The following GUCY2C variants were observed in gnomAD, a reference collection of about 807,000 sequenced individuals.
GUCY2C encodes guanylyl cyclase C.
In GUCY2C, 118 loss-of-function variants were observed where a neutral mutation model predicts 131.1. The observed-to-expected ratio is 0.90, with a 90% confidence interval of 0.78 to 1.05. GUCY2C has a LOEUF of 1.05. Ranked by LOEUF, GUCY2C falls within the 50% of genes least tolerant of loss-of-function variation. The pLI is 0.00. For missense variants in GUCY2C, 1,161 were observed against 1,304.4 expected, an observed-to-expected ratio of 0.89 and a Z score of 1.69; for synonymous variants, 452 against 457.8, an observed-to-expected ratio of 0.99 and a Z score of 0.16.
At chr12:14,640,295 T>G (rs958245069) in intron 18 of GUCY2C, among the ~76,000 whole-genome samples, 4 of 151,498 alleles carry the variant, frequency 2.6e-5, no homozygotes, top group Non-Finnish European at 4.4e-5. Flanking sequence ...CGTCTCTACA[T>G]AAAGTACAAA....
intron 4 of GUCY2C, among the ~76,000 whole-genome samples, chr12:14,682,106 C>G (rs1277018328): frequency 6.6e-6 from 1 of 152,070 alleles, no homozygotes; most frequent in Non-Finnish European, 1.5e-5. Context: ...AGCAACCCAG[C>G]CAGAAGATTT....
At chr12:14,681,654 C>T (rs1948351090) in intron 4 of GUCY2C, among the ~76,000 whole-genome samples, 177 bp from the exon 5 acceptor site, 2 of 152,148 alleles carry the variant, frequency 1.3e-5, no homozygotes, top group South Asian at 2.1e-4. Flanking sequence ...GATCTAAATT[C>T]GTGAAAGGAT....
At chr12:14,664,090 T>C (rs988390247) in intron 10 of GUCY2C, among the ~76,000 whole-genome samples, 2 of 152,218 alleles carry the variant, frequency 1.3e-5, no homozygotes, top group Non-Finnish European at 2.9e-5. Flanking sequence ...TGACTTTGCC[T>C]CTATTACCTT....
rs773872668 is a variant in GUCY2C, at chr12:14,613,153, C to G, written c.3186G>C (p.Gln1062His). Residue 1062 changes from glutamine to histidine, a missense_variant, in exon 27 of 27, where the codon CAG becomes CAC. Gln to His is a conservative substitution (Grantham distance 24). Coordinates refer to ENST00000261170, the MANE Select transcript of GUCY2C (RefSeq NM_004963.4). This position sits in a 1 kb window ranked among gnomAD's most constrained non-coding sequence, Gnocchi z 4.9. ...SYKKGTLEYLQLNTTDKESTY... is the reference protein window; with the variant it reads ...SYKKGTLEYLHLNTTDKESTY... ...TGCTCTCCTTGTCTGTGGTATTCAG[C>G]TGCAAGTATTCCAGAGTGCCTTTTT... is the stretch of plus-strand genomic sequence containing the variant. 6.2e-7 allele frequency: 1 copy of G among 1,613,556 alleles called. No homozygotes were observed. The highest frequency in any genetic ancestry group is 1.7e-5 in the Admixed American group (1 of 59,956).
In GUCY2C at chr12:14,616,649, C is replaced by A. The variant is rs533711366; in HGVS notation, c.2954G>T (p.Gly985Val). 1.9e-6 allele frequency: 3 copies of A among 1,583,372 alleles called. No homozygotes were observed. The highest frequency in any genetic ancestry group is 2.6e-6 in the Non-Finnish European group (3 of 1,152,164). The change falls in exon 25 of 27, where the codon GGA becomes GTA. Residue 985 changes from glycine to valine, a missense_variant. Gly to Val is a moderately radical substitution (Grantham distance 109). Transcript: ENST00000261170. ...ACTCCTTACCTTTAAGTATGTTTCT[C>A]CTCTCACTTCATAAAGGAACTGGCA... ...TECQFLYEVRGETYLKGRGNE... is the reference protein window; with the variant it reads ...TECQFLYEVRVETYLKGRGNE...
intron 11 of GUCY2C, among the ~76,000 whole-genome samples, chr12:14,657,612 A>C (rs1438818821): frequency 1.3e-5 from 2 of 152,230 alleles, no homozygotes; most frequent in East Asian, 3.9e-4. Flanking sequence ...CTGTCACATC[A>C]GTGGTGGCGT....
At position 14,613,293 on chromosome 12, in the gene GUCY2C, T is replaced by C. The variant is rs1592065482; in HGVS notation, c.3048-2A>G. On this transcript the variant is annotated splice_acceptor_variant, in intron 26 of 26. Coordinates refer to ENST00000261170, the MANE Select transcript of GUCY2C (RefSeq NM_004963.4). LOFTEE classifies it high-confidence loss of function. The surrounding 1 kb of genome is among the most constrained non-coding windows in gnomAD (Gnocchi z 4.9). The stretch of plus-strand genomic sequence containing the variant: ...GCTTGCAAACGCTGTTGATTCTCCC[T>C]GGAAACAGAGTGGGAAGAGAAAATA... 1 of 1,609,494 alleles carries C rather than the reference T, an allele frequency of 6.2e-7. No homozygotes were observed. The highest frequency in any genetic ancestry group is 1.3e-5 in the African/African-American group (1 of 74,856).
intron 10 of GUCY2C, among the ~76,000 whole-genome samples, chr12:14,668,621 T>C (rs1260103599): frequency 7.7e-6 from 1 of 129,080 alleles, no homozygotes; most frequent in Non-Finnish European, 1.6e-5. Flanking sequence ...ATTTTATTGA[T>C]GGTATTTCTA....
chr12:14,648,055 G>A (rs1292920453), intron 15 of GUCY2C, among the ~76,000 whole-genome samples: 1 of 151,986 alleles, frequency 6.6e-6, no homozygotes, highest in East Asian at 1.9e-4. Context: ...CCACCTCCCG[G>A]GTTCAAGCAA....
At position 14,616,718 on chromosome 12, in the gene GUCY2C, A is replaced by T; in HGVS notation, c.2885T>A (p.Ile962Asn). 1 of 1,598,292 alleles carries T rather than the reference A, an allele frequency of 6.3e-7. No homozygotes were observed. Among genetic ancestry groups the T allele is most frequent in the Non-Finnish European group, 8.6e-7 (1 of 1,165,704 alleles). Residue 962 changes from isoleucine to asparagine, a missense_variant, in exon 25 of 27, where the codon ATT becomes AAT. Transcript: ENST00000261170. ...GGCTATGGTGGAGCCACTCACGTGA[A>T]TTCTCAAAGCTGGAAATGCAAATTG... is the stretch of plus-strand genomic sequence containing the variant. ...RMESTGLPLR[I>N]HVSGSTIAIL...
Position 14,683,399 on chromosome 12 carries a change from A to T in GUCY2C, c.396-142T>A, listed in dbSNP as rs560300214. 169 of 618,418 alleles carry T rather than the reference A, an allele frequency of 2.7e-4. 2 individuals carry two copies. The highest frequency in any genetic ancestry group is 2.6e-3 in the Middle Eastern group (7 of 2,744). 38.3% of individuals were successfully genotyped at this position (618,418 alleles called of 1,614,324 possible). The stretch of plus-strand genomic sequence containing the variant: ...TCATTAAAGCAGGTTTCTCATGTAT[A>T]TAGGTGTCTTTCTCATACAGCTAAA... On this transcript the variant is annotated intron_variant, in intron 3 of 26. Coordinates refer to ENST00000261170, the MANE Select transcript of GUCY2C (RefSeq NM_004963.4).
intron 6 of GUCY2C, 135 bp downstream of exon 6, chr12:14,679,520 CAG>C: frequency 1.7e-6 from 1 of 591,062 alleles, no homozygotes; most frequent in South Asian, 2.1e-5. Context: ...GACAGTGTGA[CAG>C]AGTTCAAATA....
Position 14,645,328 on chromosome 12 carries a change from AAAG to A in GUCY2C, c.1711-16_1711-14del, listed in dbSNP as rs761728073. The A allele has an allele frequency of 8.4e-5, 112 of 1,336,906 alleles. No individual in the cohort carries two copies. Among genetic ancestry groups the A allele is most frequent in the South Asian group, 3.5e-4 (29 of 83,794 alleles). The allele number at this position is 1,336,906 out of a possible 1,614,324, so 82.8% of individuals were successfully genotyped here. A position where few individuals can be genotyped will look rare whatever the true frequency, so the allele number is the denominator to read the frequency against. On this transcript the variant is annotated splice_polypyrimidine_tract_variant and intron_variant, in intron 15 of 26. Coordinates refer to ENST00000261170, the MANE Select transcript of GUCY2C (RefSeq NM_004963.4). ...CATTTAAAACTTCCTGAATAGGAAA[AAAG>A]AAGAAGAAGAAAAGTTGTTGCAAGA...
chr12:14,650,252 CATTT>C (rs1263776553), intron 15 of GUCY2C, among the ~76,000 whole-genome samples: 1 of 151,732 alleles, frequency 6.6e-6, no homozygotes, highest in Non-Finnish European at 1.5e-5. Flanking sequence ...TATTATTATT[CATTT>C]ATTTATTTTT....
chr12:14,613,297 AAC>A lies in GUCY2C; in HGVS notation c.3048-8_3048-7del. 1 of 1,607,972 alleles carries A rather than the reference AAC, an allele frequency of 6.2e-7. No individual in the cohort carries two copies. Among genetic ancestry groups the A allele is most frequent in the Non-Finnish European group, 8.5e-7 (1 of 1,174,750 alleles). On this transcript the variant is annotated splice_region_variant and splice_polypyrimidine_tract_variant and intron_variant, in intron 26 of 26. Transcript: ENST00000261170. This position sits in a 1 kb window ranked among gnomAD's most constrained non-coding sequence, Gnocchi z 4.9. ...GCAAACGCTGTTGATTCTCCCTGGA[AAC>A]AGAGTGGGAAGAGAAAATAGAACTT...
chr12:14,664,069 T>A (rs1947921269), intron 10 of GUCY2C, among the ~76,000 whole-genome samples: 1 of 152,204 alleles, frequency 6.6e-6, no homozygotes, highest in Non-Finnish European at 1.5e-5. Flanking sequence ...GGTTTATGCT[T>A]TGCAGACATG....
chr12:14,618,428 A>G (rs1946817320), intron 24 of GUCY2C, among the ~76,000 whole-genome samples: 2 of 152,284 alleles, frequency 1.3e-5, no homozygotes, highest in Admixed American at 6.5e-5. Flanking sequence ...TGGGAGGATC[A>G]CTAGAGCTGA....
chr12:14,655,659 G>A (rs1398589112), intron 12 of GUCY2C, among the ~76,000 whole-genome samples: 1 of 152,162 alleles, frequency 6.6e-6, no homozygotes, highest in Non-Finnish European at 1.5e-5. Flanking sequence ...TCCCATCTGT[G>A]GAGGTCTTGG....
intron 24 of GUCY2C, among the ~76,000 whole-genome samples, chr12:14,617,665 A>G (rs1946798234): frequency 6.6e-6 from 1 of 152,214 alleles, no homozygotes; most frequent in Non-Finnish European, 1.5e-5. Flanking sequence ...ACCTTTCCCA[A>G]TATAGGGGCC....
Sources: allele counts gnomAD v4.1 joint callset (sites outside exome capture counted in the v4.1 genomes callset), GRCh38; gene constraint gnomAD v4.1.1; non-coding constraint Gnocchi (gnomAD v3.1); transcripts MANE v1.5; gene names NCBI Gene and HGNC (gene_info 2026-07-23, HGNC 2026-07-21).